The following MOBP variants were observed in gnomAD, a reference collection of about 807,000 sequenced individuals.
The protein encoded by MOBP is myelin associated oligodendrocyte basic protein.
In MOBP, 5 loss-of-function variants were observed where a neutral mutation model predicts 15.0. That is an observed-to-expected ratio of 0.33 (90% CI 0.17 to 0.70). MOBP has a LOEUF of 0.70. MOBP is among the 30% of genes least tolerant of loss of function. The probability of loss-of-function intolerance (pLI) is 0.67; values close to 1 mark genes in which losing one functional copy is unlikely to be tolerated. For synonymous variants in MOBP, 88 were observed against 99.0 expected (o/e 0.89, Z 0.66); for missense variants, 188 against 257.8 (o/e 0.73, Z 1.85).
At chr3:39,494,799 G>A (rs867014525) in intron 2 of MOBP, among the ~76,000 whole-genome samples, 1,385 of 35,490 alleles carry the variant, frequency 0.039, 47 homozygotes, top group African/African-American at 0.11. Flanking sequence ...CCCGCCCCCC[G>A]AGTTACGTGT....
In MOBP at chr3:39,486,034, C is replaced by T. The variant is rs1575294262; in HGVS notation, c.-5+5911C>T. Among the ~76,000 whole-genome samples, 3 of 152,290 alleles carry T rather than the reference C, an allele frequency of 2.0e-5. 1 individual carries two copies. The South Asian group carries it at 6.2e-4, about 32-fold the overall frequency. On this transcript the variant is annotated intron_variant, in intron 2 of 3. Transcript: ENST00000684792. ...TGGAATATTTTCTTCTATACAAGCA[C>T]TGGTCTTTTAACTTGTAACCTCAAG...
chr3:39,471,131 C>CT (rs35128158), intron 1 of MOBP, among the ~76,000 whole-genome samples: 10,567 of 128,868 alleles, frequency 0.082, 688 homozygotes, highest in East Asian at 0.17. Context: ...AAAGAAAAGT[C>CT]TTTTTTTTTT....
chr3:39,494,766 A>T (rs868423450), intron 2 of MOBP, among the ~76,000 whole-genome samples: 24 of 132,318 alleles, frequency 1.8e-4, no homozygotes, highest in Admixed American at 9.9e-4. Flanking sequence ...ACTTTATTTC[A>T]TTTCATATTT....
At chr3:39,520,322 T>A (rs112635486), downstream of MOBP, among the ~76,000 whole-genome samples, 37 of 152,348 alleles carry the variant, frequency 2.4e-4, no homozygotes, top group African/African-American at 7.7e-4. Context: ...CTTCCTTAAC[T>A]TGTGTTCACC....
intron 1 of MOBP, among the ~76,000 whole-genome samples, chr3:39,468,158 AT>A (rs2042370676): frequency 1.3e-5 from 2 of 151,670 alleles, no homozygotes; most frequent in Admixed American, 6.6e-5. Context: ...TCTAGGAACA[AT>A]TTTTTTCCTC....
At chr3:39,496,350 C>T (rs2042882105) in intron 2 of MOBP, among the ~76,000 whole-genome samples, 2 of 151,860 alleles carry the variant, frequency 1.3e-5, no homozygotes, top group African/African-American at 4.8e-5. Flanking sequence ...AGGTGCCCGC[C>T]ACCACACCCA....
downstream of MOBP, among the ~76,000 whole-genome samples, chr3:39,520,890 T>A (rs1279189074): frequency 2.6e-5 from 4 of 152,156 alleles, no homozygotes; most frequent in Non-Finnish European, 4.4e-5. Flanking sequence ...AAAACTTTAG[T>A]GTACATATCT....
At chr3:39,495,613 T>TGTAGTAGCAC (rs1462396595) in intron 2 of MOBP, among the ~76,000 whole-genome samples, 5 of 149,962 alleles carry the variant, frequency 3.3e-5, no homozygotes, top group African/African-American at 1.2e-4. Flanking sequence ...ATTAGCTGGG[T>TGTAGTAGCAC]GTAGTAGCAC....
downstream of MOBP, chr3:39,529,331 C>A (rs1249565113): frequency 1.3e-5 from 2 of 152,028 alleles, no homozygotes; most frequent in Non-Finnish European, 2.9e-5. Flanking sequence ...AGTAAAATGC[C>A]AAGGTGTAAG....
At chr3:39,471,860 G>A (rs192135852) in intron 1 of MOBP, among the ~76,000 whole-genome samples, 48 of 152,338 alleles carry the variant, frequency 3.2e-4, no homozygotes, top group African/African-American at 1.1e-3. Flanking sequence ...GTGTGTGGAG[G>A]CATTGACTCA....
At chr3:39,469,789 G>C (rs1264978762) in intron 1 of MOBP, among the ~76,000 whole-genome samples, 2 of 152,136 alleles carry the variant, frequency 1.3e-5, no homozygotes, top group Admixed American at 6.5e-5. Context: ...TTACCTAATA[G>C]TTACTAGGAT....
At chr3:39,468,135 G>A (rs1385845587) in intron 1 of MOBP, among the ~76,000 whole-genome samples, 4 of 151,490 alleles carry the variant, frequency 2.6e-5, no homozygotes, top group Non-Finnish European at 5.9e-5. Context: ...TTAAAAATGA[G>A]TTTTTCTTCT....
At chr3:39,481,834 A>C (rs2042632750) in intron 2 of MOBP, among the ~76,000 whole-genome samples, 2 of 152,228 alleles carry the variant, frequency 1.3e-5, no homozygotes, top group Admixed American at 6.5e-5. Context: ...GCCACCTCTC[A>C]GAATCATTCT....
intron 2 of MOBP, among the ~76,000 whole-genome samples, chr3:39,485,668 C>T (rs2042694086): frequency 6.6e-6 from 1 of 152,196 alleles, no homozygotes; most frequent in Non-Finnish European, 1.5e-5. Flanking sequence ...GCCTGGGGCT[C>T]ACCGGCCTGT....
chr3:39,504,662 C>A (rs2043027076), downstream of MOBP, among the ~76,000 whole-genome samples: 1 of 152,228 alleles, frequency 6.6e-6, no homozygotes, highest in Non-Finnish European at 1.5e-5. Flanking sequence ...TTGAGATATT[C>A]ATTTTTCCTT....
chr3:39,488,534 T>C (rs1026064652), intron 2 of MOBP, among the ~76,000 whole-genome samples: 16 of 152,198 alleles, frequency 1.1e-4, no homozygotes, highest in African/African-American at 3.6e-4. Context: ...TACCCCAGAC[T>C]AGTCTATTAG....
chr3:39,489,261 A>G (rs996939976), intron 2 of MOBP, among the ~76,000 whole-genome samples: 1 of 152,160 alleles, frequency 6.6e-6, no homozygotes, highest in Non-Finnish European at 1.5e-5. Flanking sequence ...CCTAGCACCC[A>G]GTTCCTTCCT....
chr3:39,475,323 A>G (rs908669976), intron 1 of MOBP, among the ~76,000 whole-genome samples: 2 of 152,144 alleles, frequency 1.3e-5, no homozygotes, highest in African/African-American at 4.8e-5. Flanking sequence ...TTTGGCTGAG[A>G]TGATACTTCC....
chr3:39,472,152 G>T (rs2042480519), intron 1 of MOBP, among the ~76,000 whole-genome samples: 1 of 152,220 alleles, frequency 6.6e-6, no homozygotes, highest in Non-Finnish European at 1.5e-5. Context: ...TAGAGGCTTT[G>T]ACTTCCCAGC....
Sources: allele counts gnomAD v4.1 joint callset (sites outside exome capture counted in the v4.1 genomes callset), GRCh38; gene constraint gnomAD v4.1.1; transcripts MANE v1.5; gene names NCBI Gene and HGNC (gene_info 2026-07-23, HGNC 2026-07-21).